HELZ: variants seen among roughly 807,000 people sequenced by gnomAD.
HELZ encodes helicase with zinc finger, also known as ATP-dependent RNA helicase with zinc finger domain.
In HELZ, 23 loss-of-function variants were observed where a neutral mutation model predicts 218.2. The ratio of observed to expected loss-of-function variants is 0.11; its 90% CI spans 0.08 to 0.15. The LOEUF (loss-of-function observed/expected upper bound fraction) is 0.15. Ranked by LOEUF, HELZ falls within the 10% of genes least tolerant of loss-of-function variation. The pLI is 1.00. For synonymous variants in HELZ, 814 were observed against 829.4 expected (o/e 0.98, Z 0.32); for missense variants, 1,813 against 2,353.7 (o/e 0.77, Z 4.75).
chr17:67,226,735 G>A (rs1160987702), intron 3 of HELZ, among the ~76,000 whole-genome samples: 1 of 152,068 alleles, frequency 6.6e-6, no homozygotes, highest in African/African-American at 2.4e-5. Flanking sequence ...GCTAAAAGTG[G>A]AAACAACTCA....
intron 7 of HELZ, among the ~76,000 whole-genome samples, chr17:67,198,779 C>T (rs889621936): frequency 3.9e-5 from 6 of 152,048 alleles, no homozygotes; most frequent in African/African-American, 1.4e-4. Context: ...GTGTCATGTG[C>T]AATAATAAAT....
chr17:67,168,059 T>C (rs1043382687), intron 13 of HELZ, among the ~76,000 whole-genome samples: 1 of 152,120 alleles, frequency 6.6e-6, no homozygotes, highest in Non-Finnish European at 1.5e-5. Context: ...CTTGGCTCAC[T>C]GCTACCTCTG....
intron 21 of HELZ, among the ~76,000 whole-genome samples, chr17:67,138,493 C>T (rs1257080249): frequency 1.3e-5 from 2 of 152,138 alleles, no homozygotes; most frequent in African/African-American, 4.8e-5. Context: ...CCACTCTCTC[C>T]AGATCAGGCC....
At chr17:67,143,296 T>A (rs1329818129) in intron 21 of HELZ, among the ~76,000 whole-genome samples, 1 of 152,066 alleles carries the variant, frequency 6.6e-6, no homozygotes, top group Admixed American at 6.5e-5. Flanking sequence ...CCCTTCCAAC[T>A]GAATTTTTCA....
At chr17:67,240,817 A>T (rs1003201236) in intron 2 of HELZ, among the ~76,000 whole-genome samples, 9 of 152,228 alleles carry the variant, frequency 5.9e-5, no homozygotes, top group African/African-American at 2.2e-4. Flanking sequence ...TACAATTCAC[A>T]AAAGTAAACA....
At chr17:67,112,688 C>T (rs888197578) in intron 28 of HELZ, among the ~76,000 whole-genome samples, 3 of 152,148 alleles carry the variant, frequency 2.0e-5, no homozygotes, top group African/African-American at 4.8e-5. Context: ...ATTTGGAAGT[C>T]GGTATCATGA....
chr17:67,190,594 T>C (rs961565856), intron 9 of HELZ, among the ~76,000 whole-genome samples: 2 of 152,228 alleles, frequency 1.3e-5, no homozygotes, highest in Non-Finnish European at 2.9e-5. Flanking sequence ...TAGGGGATCC[T>C]AAGGCATAGG....
chr17:67,097,634 G>A (rs75209407), intron 31 of HELZ, among the ~76,000 whole-genome samples: 7,700 of 152,254 alleles, frequency 0.051, 672 homozygotes, highest in African/African-American at 0.18. Context: ...AGAGAAAAAC[G>A]TCAGGTTCAC....
chr17:67,103,898 C>T (rs756278788), intron 31 of HELZ, among the ~76,000 whole-genome samples: 1 of 152,156 alleles, frequency 6.6e-6, no homozygotes, highest in African/African-American at 2.4e-5. Context: ...AAGACAGACA[C>T]ACAGATAAAT....
At chr17:67,128,885 C>A (rs780608065) in intron 23 of HELZ, 30 bp from the exon 24 acceptor site, 2 of 1,467,702 alleles carry the variant, frequency 1.4e-6, no homozygotes, top group South Asian at 2.3e-5. Context: ...GATCAGATTA[C>A]AATTCAATGG....
At chr17:67,182,254 C>T (rs962953405) in intron 12 of HELZ, among the ~76,000 whole-genome samples, 1 of 151,954 alleles carries the variant, frequency 6.6e-6, no homozygotes, top group Non-Finnish European at 1.5e-5. Context: ...CCAGCCTGGT[C>T]AACATGGCGA....
chr17:67,084,235 G>T (rs139851533), intron 32 of HELZ, among the ~76,000 whole-genome samples: 101 of 152,302 alleles, frequency 6.6e-4, no homozygotes, highest in African/African-American at 2.4e-3. Flanking sequence ...AAGCAATGAA[G>T]AAAATAATGA....
intron 22 of HELZ, among the ~76,000 whole-genome samples, chr17:67,137,527 T>C (rs2038190796): frequency 1.3e-5 from 2 of 152,202 alleles, no homozygotes; most frequent in South Asian, 4.1e-4. Flanking sequence ...TTTATAGCAA[T>C]TAATTAAATG....
intron 8 of HELZ, 45 bp from the exon 9 acceptor site, chr17:67,194,087 G>A: frequency 7.5e-7 from 1 of 1,333,878 alleles, no homozygotes; most frequent in South Asian, 1.2e-5. Flanking sequence ...AGGCTAGCCA[G>A]TAATTCTGAT....
chr17:67,094,333 A>AGAGAGAGAG (rs1555597035), intron 31 of HELZ, among the ~76,000 whole-genome samples: 37 of 146,632 alleles, frequency 2.5e-4, no homozygotes, highest in African/African-American at 9.5e-4. Flanking sequence ...AAAAAAAAAA[A>AGAGAGAGAG]AGAGAGAGAG....
intron 13 of HELZ, among the ~76,000 whole-genome samples, chr17:67,173,731 G>A (rs1284130602): frequency 6.6e-6 from 1 of 151,936 alleles, no homozygotes; most frequent in Non-Finnish European, 1.5e-5. Flanking sequence ...CACTAGACCT[G>A]TCACCAACAG....
At chr17:67,092,349 G>A (rs1049796574) in intron 31 of HELZ, among the ~76,000 whole-genome samples, 2 of 151,986 alleles carry the variant, frequency 1.3e-5, no homozygotes, top group Non-Finnish European at 2.9e-5. Flanking sequence ...CCCCAAGAAG[G>A]GAAACGATTC....
intron 24 of HELZ, among the ~76,000 whole-genome samples, chr17:67,126,324 C>T (rs144478345): frequency 6.6e-6 from 1 of 152,246 alleles, no homozygotes; most frequent in Non-Finnish European, 1.5e-5. Flanking sequence ...CAATATATAT[C>T]AGCACTATGG....
chr17:67,224,753 G>A lies in HELZ; in HGVS notation c.-18-5931C>T, dbSNP rs775725348. The A allele has an allele frequency of 1.0e-5, 12 of 1,155,860 alleles. No individual in the cohort carries two copies. In the African/African-American group the frequency reaches 1.4e-4, roughly 14 times the overall value. 71.6% of individuals were successfully genotyped at this position (1,155,860 alleles called of 1,614,324 possible). On this transcript the variant is annotated intron_variant, in intron 3 of 32. Coordinates refer to ENST00000358691, the MANE Select transcript of HELZ (RefSeq NM_014877.4). ...ATGGTGAACGTTGCTAAAACCCGCC[G>A]GACTTTCTGTAAGAAGTGTGGCAAG...
Sources: allele counts gnomAD v4.1 joint callset (sites outside exome capture counted in the v4.1 genomes callset), GRCh38; gene constraint gnomAD v4.1.1; transcripts MANE v1.5; gene names NCBI Gene and HGNC (gene_info 2026-07-23, HGNC 2026-07-21).